Variants in SLC25A21 observed in about 807,000 individuals in gnomAD.
The protein encoded by SLC25A21 is solute carrier family 25 member 21, also known as mitochondrial 2-oxodicarboxylate carrier.
In SLC25A21, 47 loss-of-function variants were observed where a neutral mutation model predicts 43.8. The observed-to-expected ratio is 1.07, with a 90% CI of 0.85 to 1.37. The LOEUF (loss-of-function observed/expected upper bound fraction) is 1.37. Among genes scored for constraint, SLC25A21 ranks in the 40% most tolerant of loss-of-function variants. The pLI is 0.00. For missense variants in SLC25A21, 352 were observed against 350.2 expected (o/e 1.00, Z -0.04); for synonymous variants, 131 against 121.3 (o/e 1.08, Z -0.52).
At chr14:36,764,107 G>GGAAGGAAGGAAGGAAGGAAGGAAA (rs1566587790) in intron 3 of SLC25A21, among the ~76,000 whole-genome samples, 1 of 43,116 alleles carries the variant, frequency 2.3e-5, no homozygotes, top group East Asian at 1.4e-3. Context: ...AAGGAAGGAA[G>GGAAGGAAGGAAGGAAGGAAGGAAA]GAAGGAAAGA....
intron 6 of SLC25A21, among the ~76,000 whole-genome samples, chr14:36,722,293 A>C (rs1483382728): frequency 1.3e-5 from 2 of 152,192 alleles, no homozygotes; most frequent in Admixed American, 1.3e-4. Flanking sequence ...GGAGGGATGA[A>C]TCGGCAGAAC....
chr14:36,829,268 T>G (rs1490200058), intron 2 of SLC25A21, among the ~76,000 whole-genome samples: 1 of 152,118 alleles, frequency 6.6e-6, no homozygotes, highest in African/African-American at 2.4e-5. Context: ...AAAAGACTCC[T>G]GTGTTATCCT....
intron 7 of SLC25A21, among the ~76,000 whole-genome samples, chr14:36,700,532 A>G (rs1433696351): frequency 6.6e-6 from 1 of 152,214 alleles, no homozygotes; most frequent in Non-Finnish European, 1.5e-5. Flanking sequence ...TCATGTGTCC[A>G]CATATTTGAA....
intron 2 of SLC25A21, among the ~76,000 whole-genome samples, chr14:36,848,762 A>T (rs1889627076): frequency 6.6e-6 from 1 of 152,228 alleles, no homozygotes; most frequent in Non-Finnish European, 1.5e-5. Context: ...ATAATTGATA[A>T]GGGGATGGTG....
chr14:36,995,210 G>A (rs576742914), intron 1 of SLC25A21, among the ~76,000 whole-genome samples: 7 of 152,182 alleles, frequency 4.6e-5, no homozygotes, highest in Middle Eastern at 3.4e-3. Flanking sequence ...AAAATGTCAC[G>A]CTACAAAAAA....
chr14:37,043,945 T>G (rs796833323), intron 1 of SLC25A21, among the ~76,000 whole-genome samples: 2 of 149,046 alleles, frequency 1.3e-5, no homozygotes, highest in Non-Finnish European at 1.5e-5. Context: ...TTTTTGTTTT[T>G]TTTTTTTTTT....
chr14:36,855,953 T>C lies in SLC25A21; in HGVS notation c.119+19003A>G, dbSNP rs1889884691. ...CACTGAAAGGAAGGTATTATTGGCATCTAGTGAGTAGAGGCCTTAGATCCT... is the reference window on the plus strand; with the variant it reads ...CACTGAAAGGAAGGTATTATTGGCACCTAGTGAGTAGAGGCCTTAGATCCT... On this transcript the variant is annotated intron_variant, in intron 2 of 9. Transcript: ENST00000331299. Among the ~76,000 whole-genome samples the C allele has an allele frequency of 2.0e-5, 3 of 152,160 alleles. No individual in the cohort carries two copies. The South Asian group carries it at 6.2e-4, about 31-fold the overall frequency.
At chr14:37,153,012 A>C (rs1227420415) in intron 1 of SLC25A21, among the ~76,000 whole-genome samples, 1 of 152,192 alleles carries the variant, frequency 6.6e-6, no homozygotes, top group Non-Finnish European at 1.5e-5. Flanking sequence ...ATCCCTGGTC[A>C]GGACTGGCTA....
Position 36,684,882 on chromosome 14 carries a change from A to G in SLC25A21, c.647T>C (p.Leu216Pro), listed in dbSNP as rs989786105. Residue 216 changes from leucine (L) to proline (P), a missense_variant, in exon 8 of 10, where the codon CTC (leucine) becomes CCC (proline). Coordinates refer to ENST00000331299, the MANE Select transcript of SLC25A21 (RefSeq NM_030631.4). ...AATGACTGAGGCTATTGTCCCCGAG[A>G]GAAGACCAATCCCAAATTTTCTCCA... ...EFWRKFGIGL[L>P]SGTIASVINI... The G allele has an allele frequency of 6.2e-7, 1 of 1,611,644 alleles. No homozygotes were observed. Among genetic ancestry groups the G allele is most frequent in the Non-Finnish European group, 8.5e-7 (1 of 1,179,428 alleles).
intron 1 of SLC25A21, among the ~76,000 whole-genome samples, chr14:37,000,656 T>C (rs1960468543): frequency 6.6e-6 from 1 of 152,200 alleles, no homozygotes; most frequent in South Asian, 2.1e-4. Flanking sequence ...CCAAATCTCA[T>C]ATCAAATTGT....
chr14:36,680,410 T>G lies in SLC25A21; in HGVS notation c.*248A>C. ...AATAAATATATGATTTCTATGCTAT[T>G]TTTCTATATTCACTTTAAATACCTC... On this transcript the variant is annotated 3_prime_UTR_variant, in exon 10 of 10. Transcript: ENST00000331299. The G allele has an allele frequency of 8.9e-7, 1 of 1,119,900 alleles. No homozygotes were observed. The highest frequency in any genetic ancestry group is 1.1e-6 in the Non-Finnish European group (1 of 909,368). 69.4% of individuals were successfully genotyped at this position (1,119,900 alleles called of 1,614,324 possible).
At chr14:36,825,621 G>T (rs1888802321) in intron 2 of SLC25A21, among the ~76,000 whole-genome samples, 1 of 152,156 alleles carries the variant, frequency 6.6e-6, no homozygotes, top group South Asian at 2.1e-4. Context: ...GTAAAATGCT[G>T]ACTTTAGCTA....
At chr14:36,887,740 G>A (rs1890962775) in intron 1 of SLC25A21, among the ~76,000 whole-genome samples, 1 of 152,024 alleles carries the variant, frequency 6.6e-6, no homozygotes, top group Admixed American at 6.6e-5. Context: ...CCCATTTCTG[G>A]GGACTCTGTT....
chr14:37,095,449 C>T (rs376048720), intron 1 of SLC25A21, among the ~76,000 whole-genome samples: 5 of 152,092 alleles, frequency 3.3e-5, no homozygotes, highest in East Asian at 1.9e-4. Context: ...ACCTGGGAAG[C>T]GGAGGTTGCA....
chr14:36,754,804 T>C (rs370459842), intron 3 of SLC25A21, among the ~76,000 whole-genome samples: 2 of 152,230 alleles, frequency 1.3e-5, no homozygotes, highest in African/African-American at 4.8e-5. Context: ...TATTAATTTA[T>C]CTACTTGTAC....
intron 1 of SLC25A21, among the ~76,000 whole-genome samples, chr14:36,921,276 C>T (rs968863029): frequency 8.5e-5 from 13 of 152,150 alleles, no homozygotes; most frequent in African/African-American, 2.2e-4. Flanking sequence ...AATATTAGTA[C>T]CTATGATTTT....
chr14:36,944,966 A>G (rs1233394828), intron 1 of SLC25A21, among the ~76,000 whole-genome samples: 1 of 152,188 alleles, frequency 6.6e-6, no homozygotes, highest in Non-Finnish European at 1.5e-5. Flanking sequence ...ACAGTTGCTG[A>G]GAACATGCCA....
chr14:36,882,528 T>C (rs1245933440), intron 1 of SLC25A21, among the ~76,000 whole-genome samples: 1 of 152,202 alleles, frequency 6.6e-6, no homozygotes, highest in African/African-American at 2.4e-5. Flanking sequence ...ACAATCTGTG[T>C]AGCCAAAACA....
At chr14:36,838,246 G>A (rs1889274467) in intron 2 of SLC25A21, among the ~76,000 whole-genome samples, 1 of 152,226 alleles carries the variant, frequency 6.6e-6, no homozygotes, top group South Asian at 2.1e-4. Flanking sequence ...TTCAGCTAGA[G>A]AACAGAGGGG....
Sources: gnomAD v4.1 joint callset for allele counts (sites outside exome capture counted in the v4.1 genomes callset) on GRCh38, gnomAD v4.1.1 for gene constraint, MANE v1.5 for transcripts, NCBI Gene and HGNC (gene_info 2026-07-23, HGNC 2026-07-21) for gene names.